Variants in NEDD4L observed in about 807,000 individuals in gnomAD.
NEDD4L encodes the protein E3 ubiquitin-protein ligase NEDD4-like.
Under a neutral mutation model 148.9 loss-of-function variants are expected in NEDD4L, and 54 were observed. The observed-to-expected ratio is 0.36, with a 90% CI of 0.29 to 0.45. NEDD4L has a LOEUF of 0.45. Among genes scored for constraint, NEDD4L ranks in the 20% least tolerant of loss-of-function variants. The pLI is 1.00. For synonymous variants in NEDD4L, 433 were observed against 440.7 expected (o/e 0.98, Z 0.22); for missense variants, 856 against 1,233.8 (o/e 0.69, Z 4.59).
At chr18:58,308,752 C>G (rs941498198) in intron 5 of NEDD4L, among the ~76,000 whole-genome samples, 2 of 152,200 alleles carry the variant, frequency 1.3e-5, no homozygotes, top group Non-Finnish European at 2.9e-5. Flanking sequence ...GCTTCTTCCT[C>G]CACCGTCCTC....
In NEDD4L at chr18:58,215,594, C is replaced by G. The variant is rs541900875; in HGVS notation, c.123-29833C>G. ...ATTTTAACATTGTGTTTTTAAGTGT[C>G]TTTTCTTTGTTGACTTGGAAAGCTA... On this transcript the variant is annotated intron_variant, in intron 2 of 30. Coordinates refer to ENST00000400345, the MANE Select transcript of NEDD4L (RefSeq NM_001144967.3). Among the ~76,000 whole-genome samples the G allele has an allele frequency of 2.6e-4, 39 of 152,046 alleles. No individual in the cohort carries two copies. In the South Asian group the frequency reaches 3.5e-3, roughly 14 times the overall value.
chr18:58,078,354 A>C (rs1242980796), intron 1 of NEDD4L, among the ~76,000 whole-genome samples: 1 of 152,186 alleles, frequency 6.6e-6, no homozygotes, highest in African/African-American at 2.4e-5. Flanking sequence ...TCAAAGAAAA[A>C]CAGAACATGA....
intron 6 of NEDD4L, among the ~76,000 whole-genome samples, chr18:58,321,498 A>T (rs1022893351): frequency 2.0e-5 from 3 of 152,378 alleles, no homozygotes; most frequent in Middle Eastern, 3.4e-3. Context: ...GCCAGATTAT[A>T]GTTGGTCTTC....
intron 2 of NEDD4L, among the ~76,000 whole-genome samples, chr18:58,243,934 A>G (rs1280271775): frequency 6.6e-6 from 1 of 152,212 alleles, no homozygotes; most frequent in African/African-American, 2.4e-5. Context: ...ATTCAGATAC[A>G]TCTTATGGGT....
intron 2 of NEDD4L, among the ~76,000 whole-genome samples, chr18:58,221,964 G>T (rs2043821024): frequency 6.6e-6 from 1 of 152,102 alleles, no homozygotes; most frequent in Non-Finnish European, 1.5e-5. Flanking sequence ...AAGAATGATA[G>T]GCAAAGAATG....
intron 6 of NEDD4L, among the ~76,000 whole-genome samples, chr18:58,317,263 A>G (rs1014350847): frequency 2.0e-4 from 31 of 152,370 alleles, no homozygotes; most frequent in African/African-American, 7.5e-4. Context: ...TCCATGAGCC[A>G]TCAGAAACCT....
chr18:58,146,295 C>G (rs1057459375), intron 1 of NEDD4L, among the ~76,000 whole-genome samples: 2 of 152,086 alleles, frequency 1.3e-5, no homozygotes, highest in Admixed American at 6.6e-5. Flanking sequence ...GTGGCCCAGT[C>G]CAGCATGGCT....
chr18:58,311,372 C>T (rs935066649), intron 5 of NEDD4L, among the ~76,000 whole-genome samples: 2 of 152,158 alleles, frequency 1.3e-5, no homozygotes, highest in Non-Finnish European at 2.9e-5. Flanking sequence ...GGTCATTTTA[C>T]CAAGAATCAC....
At chr18:58,257,730 G>C (rs528047663) in intron 5 of NEDD4L, among the ~76,000 whole-genome samples, 4 of 152,300 alleles carry the variant, frequency 2.6e-5, no homozygotes, top group African/African-American at 9.6e-5. Flanking sequence ...TGACTCTGCA[G>C]CTTTCGTGGT....
chr18:58,122,976 AC>A (rs911663937), intron 1 of NEDD4L, among the ~76,000 whole-genome samples: 1 of 151,926 alleles, frequency 6.6e-6, no homozygotes, highest in African/African-American at 2.4e-5. Context: ...CAAGTGATCC[AC>A]CCACTTCAGC....
chr18:58,259,431 A>C (rs2049044529), intron 5 of NEDD4L, among the ~76,000 whole-genome samples: 3 of 152,146 alleles, frequency 2.0e-5, no homozygotes, highest in African/African-American at 4.8e-5. Flanking sequence ...TTTTCTTATA[A>C]ATTAGCTTTT....
At chr18:58,363,875 C>A (rs745426211) in intron 19 of NEDD4L, among the ~76,000 whole-genome samples, 1 of 152,190 alleles carries the variant, frequency 6.6e-6, no homozygotes, top group Non-Finnish European at 1.5e-5. Flanking sequence ...AAAATGCCAA[C>A]GTAGGTCATT....
chr18:58,340,738 T>C (rs141070427), intron 13 of NEDD4L, among the ~76,000 whole-genome samples: 1 of 152,318 alleles, frequency 6.6e-6, no homozygotes, highest in African/African-American at 2.4e-5. Flanking sequence ...CAGATGATAA[T>C]GTTTTTCCCT....
At chr18:58,317,462 C>G (rs1244651557) in intron 6 of NEDD4L, among the ~76,000 whole-genome samples, 2 of 152,206 alleles carry the variant, frequency 1.3e-5, no homozygotes, top group African/African-American at 4.8e-5. Flanking sequence ...GCCACCCTTT[C>G]CCTAATGTAA....
At chr18:58,350,253 AAGAACC>A (rs1186292902) in intron 17 of NEDD4L, among the ~76,000 whole-genome samples, 1 of 152,220 alleles carries the variant, frequency 6.6e-6, no homozygotes, top group African/African-American at 2.4e-5. Flanking sequence ...TTCCAAGTGT[AAGAACC>A]TTTTTGTTGC....
In NEDD4L at chr18:58,296,060, G is replaced by A. The variant is rs115141663; in HGVS notation, c.298-19922G>A. On this transcript the variant is annotated intron_variant, in intron 5 of 30. Transcript: ENST00000400345. ...GGGAGCTTGTGTGTGCCCCCAGACC[G>A]GAGTCATACCACAGTTGTCAGATCA... is the stretch of plus-strand genomic sequence containing the variant. Among the ~76,000 whole-genome samples the A allele has an allele frequency of 1.6e-3, 237 of 152,258 alleles. 1 individual carries two copies. Among genetic ancestry groups the A allele is most frequent in the African/African-American group, 5.3e-3 (222 of 41,538 alleles).
chr18:58,275,640 C>T (rs1282372511), intron 5 of NEDD4L, among the ~76,000 whole-genome samples: 4 of 152,222 alleles, frequency 2.6e-5, no homozygotes, highest in African/African-American at 7.2e-5. Context: ...CACCAGCCTG[C>T]CCCCTGCCAT....
intron 16 of NEDD4L, among the ~76,000 whole-genome samples, chr18:58,345,117 T>G (rs2042885860): frequency 6.6e-6 from 1 of 152,252 alleles, no homozygotes; most frequent in Admixed American, 6.5e-5. Flanking sequence ...TTGACTAATT[T>G]ACTGATTTAA....
At chr18:58,202,834 G>A (rs913036916) in intron 2 of NEDD4L, among the ~76,000 whole-genome samples, 1 of 152,104 alleles carries the variant, frequency 6.6e-6, no homozygotes, top group Non-Finnish European at 1.5e-5. Flanking sequence ...GTTGTTAAGG[G>A]CCTATTGTGC....
Sources: allele counts gnomAD v4.1 joint callset (sites outside exome capture counted in the v4.1 genomes callset), GRCh38; gene constraint gnomAD v4.1.1; transcripts MANE v1.5; gene names NCBI Gene and HGNC (gene_info 2026-07-23, HGNC 2026-07-21).